Variants in FBXO25 observed in about 807,000 individuals in gnomAD.
The protein encoded by FBXO25 is F-box only protein 25.
FBXO25 carries 45 observed loss-of-function variants against 51.9 expected under a neutral mutation model. The ratio of observed to expected loss-of-function variants is 0.87; its 90% CI spans 0.68 to 1.11. FBXO25 has a LOEUF of 1.11. Ranked by LOEUF, FBXO25 falls within the 50% of genes most tolerant of loss-of-function variation. FBXO25 has a pLI of 0.00. For missense variants in FBXO25, 507 were observed against 428.5 expected, an observed-to-expected ratio of 1.18 and a Z score of -1.62; for synonymous variants, 199 against 151.0, an observed-to-expected ratio of 1.32 and a Z score of -2.33.
chr8:431,687 T>G (rs1292806083), intron 3 of FBXO25, among the ~76,000 whole-genome samples: 1 of 152,192 alleles, frequency 6.6e-6, no homozygotes, highest in East Asian at 1.9e-4. Context: ...ATCTGAATGC[T>G]TGAATTATGG....
chr8:451,517 T>G, intron 7 of FBXO25, 64 bp downstream of exon 7: 1 of 1,444,008 alleles, frequency 6.9e-7, no homozygotes, highest in Non-Finnish European at 9.5e-7. Context: ...TTATCTTTTC[T>G]AAGCATACAT....
At chr8:457,681 T>C (rs1049392572) in intron 7 of FBXO25, among the ~76,000 whole-genome samples, 1 of 152,246 alleles carries the variant, frequency 6.6e-6, no homozygotes, top group Non-Finnish European at 1.5e-5. Context: ...ATCTTACATG[T>C]TCTCACCACA....
chr8:453,471 G>C (rs1200005419), intron 7 of FBXO25, among the ~76,000 whole-genome samples: 1 of 152,048 alleles, frequency 6.6e-6, no homozygotes, highest in Non-Finnish European at 1.5e-5. Context: ...TACCTTTCTG[G>C]GAATGTTACT....
chr8:440,077 C>T (rs2116642254), intron 5 of FBXO25, among the ~76,000 whole-genome samples: 1 of 152,298 alleles, frequency 6.6e-6, no homozygotes, highest in Non-Finnish European at 1.5e-5. Context: ...TGACCCTGAG[C>T]CCTCCCAGGC....
chr8:449,346 C>T lies in FBXO25; in HGVS notation c.382-644C>T, dbSNP rs558771137. On this transcript the variant is annotated intron_variant, in intron 5 of 9. Coordinates refer to ENST00000350302, the MANE Select transcript of FBXO25 (RefSeq NM_183420.2). ...GCAGGTGGAGCAGCGGCGAGGGCCTCGGTCATCATTCCCACAGGAGACCTC... is the reference window on the plus strand; with the variant it reads ...GCAGGTGGAGCAGCGGCGAGGGCCTTGGTCATCATTCCCACAGGAGACCTC... 9.2e-5 allele frequency among the ~76,000 whole-genome samples: 14 copies of T among 152,312 alleles called. No homozygotes were observed. In the East Asian group the frequency reaches 1.9e-3, roughly 21 times the overall value.
At position 468,244 on chromosome 8, in the gene FBXO25, C is replaced by G. The variant is rs567701672; in HGVS notation, c.988-471C>G. ...CCTTGGGGGCTGAGGCCGTGTGTCC[C>G]CCTCTCCTGTCCTATGCAGGGAGCC... On this transcript the variant is annotated intron_variant, in intron 9 of 9. Coordinates refer to ENST00000350302, the MANE Select transcript of FBXO25 (RefSeq NM_183420.2). The G allele has an allele frequency of 4.0e-6, 4 of 1,011,972 alleles. No individual in the cohort carries two copies. In the East Asian group the frequency reaches 3.1e-4, roughly 78 times the overall value. 62.7% of individuals were successfully genotyped at this position (1,011,972 alleles called of 1,614,324 possible). A position where few individuals can be genotyped will look rare whatever the true frequency, so the allele number is the denominator to read the frequency against.
At chr8:445,606 A>T (rs899674319) in intron 5 of FBXO25, among the ~76,000 whole-genome samples, 16 of 152,360 alleles carry the variant, frequency 1.1e-4, no homozygotes, top group African/African-American at 3.6e-4. Context: ...TAATCCCAGC[A>T]CTTTGGGAGG....
At chr8:409,448 C>G (rs940594352) in intron 1 of FBXO25, among the ~76,000 whole-genome samples, 2 of 152,142 alleles carry the variant, frequency 1.3e-5, no homozygotes, top group African/African-American at 2.4e-5. Context: ...TCAGACCAAA[C>G]TATTCATTTT....
chr8:448,289 C>T (rs1459803390), intron 5 of FBXO25, among the ~76,000 whole-genome samples: 1 of 152,164 alleles, frequency 6.6e-6, no homozygotes, highest in East Asian at 1.9e-4. Context: ...TGACTGAGAA[C>T]AGGTTATGAG....
Position 410,091 on chromosome 8 carries a change from G to C in FBXO25, c.-7-2982G>C, listed in dbSNP as rs117703330. ...CTAACCATGCTTCAGGGCGAAGATC[G>C]AGTCCTAGTTTCTAGTCAGAGCTTT... is the stretch of plus-strand genomic sequence containing the variant. On this transcript the variant is annotated intron_variant, in intron 1 of 9. Coordinates refer to ENST00000350302, the MANE Select transcript of FBXO25 (RefSeq NM_183420.2). Among the ~76,000 whole-genome samples the C allele has an allele frequency of 3.0e-3, 458 of 152,172 alleles. 1 individual carries two copies. The highest frequency in any genetic ancestry group is 5.4e-3 in the Non-Finnish European group (370 of 67,976).
chr8:451,469 C>T lies in FBXO25; in HGVS notation c.660+16C>T. The T allele has an allele frequency of 6.2e-7, 1 of 1,607,414 alleles. No homozygotes were observed. The highest frequency in any genetic ancestry group is 8.5e-7 in the Non-Finnish European group (1 of 1,176,328). On this transcript the variant is annotated intron_variant, in intron 7 of 9. Coordinates refer to ENST00000350302, the MANE Select transcript of FBXO25 (RefSeq NM_183420.2). ...GATGACTAAGGTATAAATATCTCGG[C>T]ATAAGAGTTATTACACTCTGTTTTT... is the stretch of plus-strand genomic sequence containing the variant.
rs1800535558 is a variant in FBXO25, at chr8:473,125, A to C, written c.*4321A>C. On this transcript the variant is annotated 3_prime_UTR_variant, in exon 10 of 10. Coordinates refer to ENST00000350302, the MANE Select transcript of FBXO25 (RefSeq NM_183420.2). ...CAACAGAATTGCTGCTTCTGTCTTCACTCAAGCCCCACTCCTTATCCCTTC... is the reference window on the plus strand; with the variant it reads ...CAACAGAATTGCTGCTTCTGTCTTCCCTCAAGCCCCACTCCTTATCCCTTC... The C allele has an allele frequency of 1.3e-5, 2 of 152,266 alleles. No individual in the cohort carries two copies. Among genetic ancestry groups the C allele is most frequent in the South Asian group, 4.1e-4 (2 of 4,832 alleles). The allele number at this position is 152,266 out of a possible 1,614,324, so 9.4% of individuals were successfully genotyped here.
At chr8:463,201 C>G (rs1415307941) in intron 9 of FBXO25, 51 bp downstream of exon 9, 4 of 1,572,852 alleles carry the variant, frequency 2.5e-6, no homozygotes, top group Admixed American at 1.8e-5. Context: ...TTTGGTGAAA[C>G]AAACTAATCA....
rs998952299 is a variant in FBXO25, at chr8:413,361, A to G, written c.134+148A>G. 9.1e-6 allele frequency: 12 copies of G among 1,320,054 alleles called. No individual in the cohort carries two copies. The Admixed American group carries it at 1.2e-4, about 13-fold the overall frequency. The allele number at this position is 1,320,054 out of a possible 1,614,324, so 81.8% of individuals were successfully genotyped here. The stretch of plus-strand genomic sequence containing the variant: ...AAGAGACAAGTTGTTTAGCTAAAAA[A>G]TGAGGCTAGTAGATTGCCTAATATT... On this transcript the variant is annotated intron_variant, in intron 2 of 9. Transcript: ENST00000350302.
chr8:420,249 C>T (rs1797067763), intron 2 of FBXO25: 1 of 152,184 alleles, frequency 6.6e-6, no homozygotes, highest in Admixed American at 6.5e-5. Context: ...AGGCCTACGT[C>T]AGTAGCTAAG....
chr8:419,189 G>A (rs1321545531), intron 2 of FBXO25, among the ~76,000 whole-genome samples: 9 of 150,988 alleles, frequency 6.0e-5, no homozygotes, highest in East Asian at 1.9e-4. Flanking sequence ...GTGAAACCCC[G>A]TCTCTACTAA....
intron 4 of FBXO25, among the ~76,000 whole-genome samples, chr8:433,933 A>T (rs1797959932): frequency 6.6e-6 from 1 of 152,244 alleles, no homozygotes; most frequent in African/African-American, 2.4e-5. Flanking sequence ...GACAGAATCT[A>T]ACCTAGTTTG....
intron 2 of FBXO25, among the ~76,000 whole-genome samples, chr8:415,346 C>G (rs1369700132): frequency 6.6e-6 from 1 of 152,172 alleles, no homozygotes; most frequent in Admixed American, 6.5e-5. Flanking sequence ...TTAAGCAATT[C>G]AACATGGTTG....
At chr8:419,294 G>A (rs1014226073) in intron 2 of FBXO25, among the ~76,000 whole-genome samples, 1 of 152,184 alleles carries the variant, frequency 6.6e-6, no homozygotes, top group Non-Finnish European at 1.5e-5. Context: ...ACTTGAACCT[G>A]GGAGGTGAAG....
Sources: allele counts gnomAD v4.1 joint callset (sites outside exome capture counted in the v4.1 genomes callset), GRCh38; gene constraint gnomAD v4.1.1; transcripts MANE v1.5; gene names NCBI Gene and HGNC (gene_info 2026-07-23, HGNC 2026-07-21).